The following PAX3 variants were observed in gnomAD, a reference collection of about 807,000 sequenced individuals.
PAX3 encodes the protein paired box protein Pax-3.
PAX3 carries 14 observed loss-of-function variants against 51.6 expected under a neutral mutation model. The ratio of observed to expected loss-of-function variants is 0.27; its 90% confidence interval spans 0.18 to 0.42. The LOEUF is 0.42. PAX3 is among the 10% of genes least tolerant of loss of function. The pLI is 1.00. For synonymous variants in PAX3, 280 were observed against 253.4 expected (o/e 1.11, Z -1.00); for missense variants, 540 against 642.8 (o/e 0.84, Z 1.73).
intron 4 of PAX3, among the ~76,000 whole-genome samples, chr2:222,270,459 G>A (rs1162124068): frequency 1.3e-5 from 2 of 152,134 alleles, no homozygotes; most frequent in African/African-American, 4.8e-5. Flanking sequence ...TTGCATTCGT[G>A]CAATAAAATT....
At position 222,295,618 on chromosome 2, in the gene PAX3, A is replaced by G; in HGVS notation, c.361T>C (p.Tyr121His). The G allele has an allele frequency of 1.9e-6, 3 of 1,614,074 alleles. No homozygotes were observed. The highest frequency in any genetic ancestry group is 1.1e-5 in the South Asian group (1 of 91,086). The change falls in exon 3 of 9, where the codon TAC (tyrosine) becomes CAC (histidine). Residue 121 changes from tyrosine (Y) to histidine (H), a missense_variant. Tyr to His is a moderately conservative substitution (Grantham distance 83). Coordinates refer to ENST00000392070, the MANE Select transcript of PAX3 (RefSeq NM_181458.4). ...TPDVEKKIEE[Y>H]KRENPGMFSW... ...AACATGCCCGGGTTCTCTCTTTTGT[A>G]TTCCTCAATTTTCTTCTCCACGTCA...
rs935094015 is a variant in PAX3 at position 222,293,766 on chromosome 2, A to C, written c.586+401T>G. On this transcript the variant is annotated intron_variant, in intron 4 of 8. Coordinates refer to ENST00000392070, the MANE Select transcript of PAX3 (RefSeq NM_181458.4). ...GGAGACCAGGGCCTTTCCTGAGGGCATAAAAGCTACTTCAACTTCTGAAGA... is the reference window on the plus strand; with the variant it reads ...GGAGACCAGGGCCTTTCCTGAGGGCCTAAAAGCTACTTCAACTTCTGAAGA... The C allele has an allele frequency of 1.9e-6, 3 of 1,614,090 alleles. No individual in the cohort carries two copies. The African/African-American group carries it at 4.0e-5, about 22-fold the overall frequency.
chr2:222,266,696 C>T (rs1694066848), intron 4 of PAX3, among the ~76,000 whole-genome samples: 1 of 152,116 alleles, frequency 6.6e-6, no homozygotes, highest in South Asian at 2.1e-4. Flanking sequence ...TCTGCCTGGC[C>T]CTTGAAGGGG....
intron 4 of PAX3, among the ~76,000 whole-genome samples, chr2:222,291,294 G>C (rs913094687): frequency 2.0e-5 from 3 of 152,188 alleles, no homozygotes; most frequent in African/African-American, 7.2e-5. Flanking sequence ...GGGATAGCGG[G>C]CGGGGTTCGT....
intron 3 of PAX3, among the ~76,000 whole-genome samples, chr2:222,295,166 G>A (rs1483949537): frequency 1.3e-5 from 2 of 152,068 alleles, no homozygotes; most frequent in African/African-American, 4.8e-5. Context: ...AGTCCCTCCC[G>A]GCGCGGGCCC....
Position 222,298,553 on chromosome 2 carries a change from C to T in PAX3, c.63G>A (p.Pro21=), listed in dbSNP as rs1695433470. The T allele has an allele frequency of 1.2e-6, 2 of 1,606,382 alleles. No homozygotes were observed. The highest frequency in any genetic ancestry group is 2.2e-5 in the East Asian group (1 of 44,486). The change falls in exon 1 of 9, where the codon CCG becomes CCA. Residue 21 remains proline, a synonymous_variant. Coordinates refer to ENST00000392070, the MANE Select transcript of PAX3 (RefSeq NM_181458.4). ...TACCTTCCAGCGGGAACCCGCTACG[C>T]GGGTAGTTCTGCCCCGGGCCCGGCC... The part of the protein sequence containing the change: ...MMRPGPGQNY[P]RSGFPLEVST...
chr2:222,203,012 CATATATATATATATATATAT>C (rs71053057), intron 7 of PAX3, among the ~76,000 whole-genome samples: 636 of 41,184 alleles, frequency 0.015, 35 homozygotes, highest in African/African-American at 0.038. Flanking sequence ...ACAACCATTT[CATATATATATATATATATAT>C]ATATATATAT....
At chr2:222,212,022 G>A (rs1691755515) in intron 7 of PAX3, among the ~76,000 whole-genome samples, 1 of 152,104 alleles carries the variant, frequency 6.6e-6, no homozygotes, top group African/African-American at 2.4e-5. Flanking sequence ...AAGGCAGTGG[G>A]GGTGTGGATA....
Position 222,297,181 on chromosome 2 carries a change from G to A in PAX3, c.118C>T (p.Gln40Ter), listed in dbSNP as rs1461573611. Residue 40 changes from glutamine to a stop codon, truncating the protein, a stop_gained, in exon 2 of 9, where the codon CAG (glutamine) becomes TAG (stop). Coordinates refer to ENST00000392070, the MANE Select transcript of PAX3 (RefSeq NM_181458.4). LOFTEE classifies it high-confidence loss of function. ...CCGTTGATAAAAACACCGCCGAGCT[G>A]GTTGACGCGGCCCTGGCCGAGGGGA... ...STPLGQGRVNQLGGVFINGRP... is the reference protein window; with the variant it reads ...STPLGQGRVN 6.3e-7 allele frequency: 1 copy of A among 1,594,306 alleles called. No homozygotes were observed.
At chr2:222,291,235 C>A (rs200623879) in intron 4 of PAX3, among the ~76,000 whole-genome samples, 1 of 152,158 alleles carries the variant, frequency 6.6e-6, no homozygotes, top group African/African-American at 2.4e-5. Context: ...TTGGCTCCCC[C>A]GGCTGCCTCT....
intron 2 of PAX3, among the ~76,000 whole-genome samples, chr2:222,296,306 T>C (rs971237977): frequency 6.6e-6 from 1 of 152,252 alleles, no homozygotes; most frequent in Non-Finnish European, 1.5e-5. Flanking sequence ...CGGTTTACCA[T>C]AACCCTCTTG....
Position 222,254,868 on chromosome 2 carries a change from C to T in PAX3, c.587-22585G>A, listed in dbSNP as rs182169337. On this transcript the variant is annotated intron_variant, in intron 4 of 8. Coordinates refer to ENST00000392070, the MANE Select transcript of PAX3 (RefSeq NM_181458.4). ...CATGATCTCATCTCACTGCAACCTC[C>T]GCCTCCTGGGTTCAAGCAACTCTCC... is the stretch of plus-strand genomic sequence containing the variant. Among the ~76,000 whole-genome samples the T allele has an allele frequency of 1.4e-3, 208 of 152,174 alleles. 3 individuals carry two copies. In the South Asian group the frequency reaches 0.027, roughly 20 times the overall value.
chr2:222,261,341 A>G (rs1462616745), intron 4 of PAX3, among the ~76,000 whole-genome samples: 2 of 152,162 alleles, frequency 1.3e-5, no homozygotes, highest in East Asian at 3.9e-4. Context: ...TAATGCTCAC[A>G]TTGACTTTTT....
Position 222,202,201 on chromosome 2 carries a change from A to G in PAX3, c.1174-11T>C, listed in dbSNP as rs1691324234. The G allele has an allele frequency of 5.8e-6, 9 of 1,561,650 alleles. No individual in the cohort carries two copies. The highest frequency in any genetic ancestry group is 7.9e-6 in the Non-Finnish European group (9 of 1,145,516). On this transcript the variant is annotated splice_polypyrimidine_tract_variant and intron_variant, in intron 7 of 8. Transcript: ENST00000392070. ...CAGGAGTCCCATTACCTAAAAAAAC[A>G]GCCAGATTGGGAAGAGGTTAAAATG...
At chr2:222,239,748 G>C (rs1440798988) in intron 4 of PAX3, among the ~76,000 whole-genome samples, 1 of 151,880 alleles carries the variant, frequency 6.6e-6, no homozygotes, top group Non-Finnish European at 1.5e-5. Context: ...GGTAGGTAAA[G>C]GGGTCTCATT....
At chr2:222,239,822 C>CA (rs76222306) in intron 4 of PAX3, among the ~76,000 whole-genome samples, 10,264 of 133,626 alleles carry the variant, frequency 0.077, 832 homozygotes, top group African/African-American at 0.21. Context: ...TTAGCAAGTG[C>CA]AAAAAAAAAA....
intron 4 of PAX3, among the ~76,000 whole-genome samples, chr2:222,289,830 AT>A (rs1340294206): frequency 6.6e-6 from 1 of 152,166 alleles, no homozygotes; most frequent in Non-Finnish European, 1.5e-5. Flanking sequence ...TACTTCCAAT[AT>A]TTTTTAAATG....
intron 4 of PAX3, chr2:222,264,629 G>C (rs1693979601): frequency 6.6e-6 from 1 of 152,120 alleles, no homozygotes; most frequent in African/African-American, 2.4e-5. Context: ...ATCATAAAAA[G>C]AAAGAAACTA....
chr2:222,298,476 A>C (rs1371894819), intron 1 of PAX3, 55 bp downstream of exon 1: 10 of 1,435,048 alleles, frequency 7.0e-6, no homozygotes, highest in Non-Finnish European at 9.6e-6. Flanking sequence ...GGATGGGGTG[A>C]GGCAGCCGGT....
Sources: gnomAD v4.1 joint callset for allele counts (sites outside exome capture counted in the v4.1 genomes callset) on GRCh38, gnomAD v4.1.1 for gene constraint, MANE v1.5 for transcripts, NCBI Gene and HGNC (gene_info 2026-07-23, HGNC 2026-07-21) for gene names.